CREB5: variants seen among roughly 807,000 people sequenced by gnomAD.
CREB5 encodes cyclic AMP-responsive element-binding protein 5.
CREB5 carries 19 observed loss-of-function variants against 57.1 expected under a neutral mutation model. The ratio of observed to expected loss-of-function variants is 0.33; its 90% CI spans 0.23 to 0.49. CREB5 has a LOEUF of 0.49. Among genes scored for constraint, CREB5 ranks in the 20% least tolerant of loss-of-function variants. The pLI, the probability that CREB5 is intolerant of heterozygous loss-of-function variation, is 0.99. For missense variants in CREB5, 579 were observed against 671.6 expected (o/e 0.86, Z 1.52); for synonymous variants, 238 against 238.3 (o/e 1.00, Z 0.01).
At chr7:28,716,702 A>G (rs1397273702) in intron 5 of CREB5, among the ~76,000 whole-genome samples, 2 of 152,228 alleles carry the variant, frequency 1.3e-5, no homozygotes, top group African/African-American at 2.4e-5. Flanking sequence ...ACCGGAGGAT[A>G]TCAACAAATT....
intron 5 of CREB5, among the ~76,000 whole-genome samples, chr7:28,669,501 C>T (rs1432509099): frequency 1.3e-5 from 2 of 152,192 alleles, no homozygotes; most frequent in East Asian, 1.9e-4. Flanking sequence ...GTAAATGTAC[C>T]GGGGTTGTGT....
chr7:28,745,285 G>T (rs1022322747), intron 7 of CREB5, among the ~76,000 whole-genome samples: 1 of 152,188 alleles, frequency 6.6e-6, no homozygotes, highest in Non-Finnish European at 1.5e-5. Context: ...GAATACGAAG[G>T]TGTCCTAAGT....
intron 9 of CREB5, among the ~76,000 whole-genome samples, chr7:28,810,579 C>T (rs917617484): frequency 6.6e-6 from 1 of 152,018 alleles, no homozygotes; most frequent in Admixed American, 6.6e-5. Flanking sequence ...TCCTGTAGTC[C>T]CAGCTACTCA....
At chr7:28,785,362 G>C (rs961969724) in intron 7 of CREB5, among the ~76,000 whole-genome samples, 2 of 152,214 alleles carry the variant, frequency 1.3e-5, no homozygotes, top group Non-Finnish European at 2.9e-5. Context: ...AGAGATGTAG[G>C]TTGCGTGAAT....
At chr7:28,471,093 G>A (rs972886236) in intron 1 of CREB5, among the ~76,000 whole-genome samples, 1 of 151,996 alleles carries the variant, frequency 6.6e-6, no homozygotes, top group Non-Finnish European at 1.5e-5. Context: ...TAATCCCATT[G>A]GTCCATTTTT....
chr7:28,560,857 T>TGCGTGCGCGTGCGTGCGTGCGC (rs1795109660), intron 4 of CREB5, among the ~76,000 whole-genome samples: 2 of 51,018 alleles, frequency 3.9e-5, no homozygotes, highest in Non-Finnish European at 8.9e-5. Context: ...CGTGTGTGTG[T>TGCGTGCGCGTGCGTGCGTGCGC]GCGTGTGCCT....
chr7:28,471,962 A>G (rs1790832827), intron 1 of CREB5, among the ~76,000 whole-genome samples: 1 of 186 alleles, frequency 5.4e-3, no homozygotes, highest in Non-Finnish European at 0.011. Flanking sequence ...CAATTATTAA[A>G]GTTTTGACCA....
chr7:28,713,211 AT>A lies in CREB5; in HGVS notation c.465-5533del, dbSNP rs200141735. Among the ~76,000 whole-genome samples the A allele has an allele frequency of 1.7e-3, 249 of 150,860 alleles. 1 individual carries two copies. Among genetic ancestry groups the A allele is most frequent in the African/African-American group, 5.5e-3 (226 of 41,146 alleles). On this transcript the variant is annotated intron_variant, in intron 5 of 10. Coordinates refer to ENST00000357727, the MANE Select transcript of CREB5 (RefSeq NM_182898.4). ...GGGACTATGCCTGGCTACTTTTTGT[AT>A]TTTTTTTTAATAGAGATGGGGTTTT...
At chr7:28,707,801 T>C (rs1460382184) in intron 5 of CREB5, among the ~76,000 whole-genome samples, 1 of 152,252 alleles carries the variant, frequency 6.6e-6, no homozygotes, top group African/African-American at 2.4e-5. Context: ...TCTGCTTCAG[T>C]TGTGTTTGAA....
intron 1 of CREB5, among the ~76,000 whole-genome samples, chr7:28,482,909 T>A (rs1791390708): frequency 6.6e-6 from 1 of 152,238 alleles, no homozygotes; most frequent in Non-Finnish European, 1.5e-5. Context: ...TTACTATTTA[T>A]TATTGCAAAT....
At chr7:28,627,342 C>T (rs1483226011) in intron 5 of CREB5, among the ~76,000 whole-genome samples, 1 of 152,236 alleles carries the variant, frequency 6.6e-6, no homozygotes, top group African/African-American at 2.4e-5. Context: ...TTGAACCGTT[C>T]GTTTGAAAGA....
chr7:28,397,464 T>TC (rs1180870802), intron 1 of CREB5, among the ~76,000 whole-genome samples: 7 of 152,158 alleles, frequency 4.6e-5, no homozygotes, highest in Admixed American at 3.9e-4. Flanking sequence ...CATCTCCCTC[T>TC]CCCTCCAGAT....
intron 2 of CREB5, among the ~76,000 whole-genome samples, chr7:28,492,311 T>A (rs1791840875): frequency 6.6e-6 from 1 of 152,244 alleles, no homozygotes; most frequent in Non-Finnish European, 1.5e-5. Flanking sequence ...GGAGATTTTT[T>A]ATGTTACCGT....
In CREB5 at chr7:28,821,050, A is replaced by C. The variant is rs1431342178; in HGVS notation, c.*1771A>C. 1 of 152,460 alleles carries C rather than the reference A, an allele frequency of 6.6e-6. No individual in the cohort carries two copies. Among genetic ancestry groups the C allele is most frequent in the African/African-American group, 2.4e-5 (1 of 41,390 alleles). The allele number at this position is 152,460 out of a possible 1,614,324, so 9.4% of individuals were successfully genotyped here. On this transcript the variant is annotated 3_prime_UTR_variant, in exon 11 of 11. Transcript: ENST00000357727. Reference sequence around the variant, plus strand: ...GTTTTAATATCACATCTCACAAATAACAGGGGTGAATGTTTCTCTCTAGCA... The same window carrying C: ...GTTTTAATATCACATCTCACAAATACCAGGGGTGAATGTTTCTCTCTAGCA...
intron 1 of CREB5, among the ~76,000 whole-genome samples, chr7:28,414,943 G>T (rs1450707386): frequency 6.6e-6 from 1 of 151,992 alleles, no homozygotes; most frequent in Admixed American, 6.6e-5. Context: ...ACCCATAAAA[G>T]ATATTATATT....
chr7:28,770,781 CA>C (rs1216193193), intron 7 of CREB5, among the ~76,000 whole-genome samples: 1 of 152,110 alleles, frequency 6.6e-6, no homozygotes, highest in Non-Finnish European at 1.5e-5. Context: ...TTACCAGGGG[CA>C]GGGGGATGGG....
intron 5 of CREB5, among the ~76,000 whole-genome samples, chr7:28,598,048 T>TGG (rs951268386): frequency 6.6e-6 from 1 of 152,108 alleles, no homozygotes; most frequent in Non-Finnish European, 1.5e-5. Context: ...AGAAGACATG[T>TGG]GATATGGTTT....
intron 7 of CREB5, among the ~76,000 whole-genome samples, chr7:28,787,695 C>T (rs1231872542): frequency 6.6e-6 from 1 of 152,204 alleles, no homozygotes; most frequent in Non-Finnish European, 1.5e-5. Flanking sequence ...GCTTGGACTA[C>T]AGGCATGTAC....
At chr7:28,623,809 A>G (rs1056252926) in intron 5 of CREB5, among the ~76,000 whole-genome samples, 1 of 152,212 alleles carries the variant, frequency 6.6e-6, no homozygotes, top group African/African-American at 2.4e-5. Flanking sequence ...TGTGGTATGC[A>G]AGTAAGAGAA....
Sources: allele counts gnomAD v4.1 joint callset (sites outside exome capture counted in the v4.1 genomes callset), GRCh38; gene constraint gnomAD v4.1.1; transcripts MANE v1.5; gene names NCBI Gene and HGNC (gene_info 2026-07-23, HGNC 2026-07-21).